Variants in USP14 observed in about 807,000 individuals in gnomAD.
The protein encoded by USP14 is ubiquitin carboxyl-terminal hydrolase 14.
In USP14, 38 loss-of-function variants were observed where a neutral mutation model predicts 76.5. That is an observed-to-expected ratio of 0.50 (90% CI 0.38 to 0.65). The LOEUF (loss-of-function observed/expected upper bound fraction) is 0.65. Ranked by LOEUF, USP14 falls within the 30% of genes least tolerant of loss-of-function variation. The pLI is 0.00. For synonymous variants in USP14, 192 were observed against 191.7 expected (o/e 1.00, Z -0.01); for missense variants, 467 against 586.5 (o/e 0.80, Z 2.10).
At chr18:174,853 G>C (rs562919966) in intron 3 of USP14, among the ~76,000 whole-genome samples, 13 of 152,124 alleles carry the variant, frequency 8.5e-5, no homozygotes, top group Non-Finnish European at 1.9e-4. Flanking sequence ...ATGGCTCACT[G>C]TAGTTTCTGC....
rs1269474213 is a variant in USP14 at position 183,110 on chromosome 18, T to TA, written c.404+2772dup. Among the ~76,000 whole-genome samples the TA allele has an allele frequency of 1.3e-5, 2 of 152,226 alleles. 1 individual carries two copies. The highest frequency in any genetic ancestry group is 3.8e-4 in the East Asian group (2 of 5,198). On this transcript the variant is annotated intron_variant, in intron 5 of 15. Coordinates refer to ENST00000261601, the MANE Select transcript of USP14 (RefSeq NM_005151.4). ...CTGGTGAATCTTACTGTGTCTTTTA[T>TA]ATATATCCCAAAATATTGCTTTATT...
intron 3 of USP14, among the ~76,000 whole-genome samples, chr18:168,837 C>A (rs890510972): frequency 6.6e-6 from 1 of 151,168 alleles, no homozygotes; most frequent in Non-Finnish European, 1.5e-5. Flanking sequence ...CTTTGGGAGG[C>A]CGAGGCGGGT....
chr18:162,077 C>A (rs1293832674), intron 1 of USP14, among the ~76,000 whole-genome samples: 9 of 152,152 alleles, frequency 5.9e-5, no homozygotes, highest in Non-Finnish European at 1.3e-4. Context: ...GAGTTTCTTT[C>A]CTTTTTAAGG....
chr18:192,309 A>G (rs1910112438), intron 5 of USP14, among the ~76,000 whole-genome samples: 1 of 152,214 alleles, frequency 6.6e-6, no homozygotes, highest in East Asian at 1.9e-4. Flanking sequence ...CATGCCTGTA[A>G]TCCCAGCACT....
At chr18:174,350 C>G (rs969173403) in intron 3 of USP14, among the ~76,000 whole-genome samples, 2 of 150,574 alleles carry the variant, frequency 1.3e-5, no homozygotes, top group Admixed American at 6.6e-5. Flanking sequence ...ACTGCAGACT[C>G]CGCCTCCTGG....
intron 5 of USP14, among the ~76,000 whole-genome samples, chr18:187,116 A>C (rs1186298091): frequency 6.6e-6 from 1 of 152,200 alleles, no homozygotes; most frequent in South Asian, 2.1e-4. Context: ...AGATTGAACT[A>C]CTGTTTACTC....
Position 180,358 on chromosome 18 carries a change from T to C in USP14, c.404+19T>C. ...TTAAAAGGTAAGACTGCAGTCTTTT[T>C]TGGGTAAGGGATGTTCACATTTGGA... On this transcript the variant is annotated intron_variant, in intron 5 of 15. Coordinates refer to ENST00000261601, the MANE Select transcript of USP14 (RefSeq NM_005151.4). The C allele has an allele frequency of 4.6e-6, 7 of 1,510,098 alleles. No homozygotes were observed. The highest frequency in any genetic ancestry group is 6.4e-6 in the Non-Finnish European group (7 of 1,101,492). 93.5% of individuals were successfully genotyped at this position (1,510,098 alleles called of 1,614,324 possible).
At chr18:187,597 C>T (rs938882918) in intron 5 of USP14, among the ~76,000 whole-genome samples, 2 of 152,078 alleles carry the variant, frequency 1.3e-5, no homozygotes, top group African/African-American at 4.8e-5. Flanking sequence ...ATTTGACTTT[C>T]AGTAAGATGG....
Position 197,617 on chromosome 18 carries a change from A to G in USP14, c.596A>G (p.Asp199Gly), listed in dbSNP as rs1483444071. The G allele has an allele frequency of 1.2e-6, 2 of 1,609,528 alleles. No individual in the cohort carries two copies. The highest frequency in any genetic ancestry group is 1.7e-6 in the Non-Finnish European group (2 of 1,177,114). ...KGEQGQYLQQDANECWIQMMR... is the reference protein window; with the variant it reads ...KGEQGQYLQQGANECWIQMMR... ...ACTTTGTCTTTTTTTACATTACAGG[A>G]TGCTAATGAATGTTGGATACAAATG... The change falls in exon 8 of 16, where the codon GAT becomes GGT. Residue 199 changes from aspartate (D) to glycine (G), a missense_variant and splice_region_variant. Physicochemically the swap from Asp to Gly is moderately conservative, Grantham distance 94 (BLOSUM62 -1). Transcript: ENST00000261601.
At chr18:180,137 C>T in intron 4 of USP14, 99 bp from the exon 5 acceptor site, 7 of 577,054 alleles carry the variant, frequency 1.2e-5, no homozygotes, top group Non-Finnish European at 1.7e-5. Context: ...GTAAATGGTA[C>T]TTGATTCAAA....
At chr18:192,029 G>A (rs1004477162) in intron 5 of USP14, among the ~76,000 whole-genome samples, 3 of 134,732 alleles carry the variant, frequency 2.2e-5, no homozygotes, top group East Asian at 3.9e-4. Flanking sequence ...GGATCATAAA[G>A]CTGAAAGTGA....
intron 5 of USP14, among the ~76,000 whole-genome samples, chr18:187,095 G>A (rs934737272): frequency 8.6e-5 from 13 of 152,010 alleles, no homozygotes; most frequent in Admixed American, 7.2e-4. Context: ...AATATTTTTT[G>A]ACTACTGGTA....
At chr18:182,299 A>G (rs759044464) in intron 5 of USP14, among the ~76,000 whole-genome samples, 11 of 152,300 alleles carry the variant, frequency 7.2e-5, no homozygotes, top group Middle Eastern at 3.4e-3. Context: ...TGATACATAA[A>G]TTGTCAGTTC....
At chr18:185,728 C>G (rs1412751273) in intron 5 of USP14, among the ~76,000 whole-genome samples, 1 of 152,054 alleles carries the variant, frequency 6.6e-6, no homozygotes, top group Admixed American at 6.6e-5. Context: ...GACAGGCCCT[C>G]GCTCTGTTGC....
chr18:196,421 G>A, intron 6 of USP14: 1 of 365,500 alleles, frequency 2.7e-6, no homozygotes, highest in African/African-American at 2.1e-5. Context: ...CTACTCTGGA[G>A]GCTGAGGCAG....
At chr18:208,215 A>G (rs1910579418) in intron 13 of USP14, among the ~76,000 whole-genome samples, 1 of 151,826 alleles carries the variant, frequency 6.6e-6, no homozygotes, top group African/African-American at 2.4e-5. Context: ...GATCTATTTC[A>G]TATTGTGTTT....
chr18:192,311 C>A (rs934536512), intron 5 of USP14, among the ~76,000 whole-genome samples: 3 of 152,140 alleles, frequency 2.0e-5, no homozygotes, highest in Non-Finnish European at 4.4e-5. Flanking sequence ...TGCCTGTAAT[C>A]CCAGCACTTT....
intron 3 of USP14, among the ~76,000 whole-genome samples, chr18:170,211 G>C (rs1909403824): frequency 6.6e-6 from 1 of 152,090 alleles, no homozygotes; most frequent in Admixed American, 6.6e-5. Context: ...GGCTGAGGCA[G>C]GAGAATTGCT....
intron 5 of USP14, among the ~76,000 whole-genome samples, chr18:186,457 T>TA (rs1482608050): frequency 2.1e-4 from 32 of 148,964 alleles, no homozygotes; most frequent in Non-Finnish European, 4.5e-4. Flanking sequence ...CCCTGCCTCT[T>TA]AAAAAAAGAG....
Sources: gnomAD v4.1 joint callset for allele counts (sites outside exome capture counted in the v4.1 genomes callset) on GRCh38, gnomAD v4.1.1 for gene constraint, MANE v1.5 for transcripts, NCBI Gene and HGNC (gene_info 2026-07-23, HGNC 2026-07-21) for gene names.